Variants in HELB observed in about 807,000 individuals in gnomAD.
HELB encodes DNA 5'-3' helicase B.
Under a neutral mutation model 101.7 loss-of-function variants are expected in HELB, and 96 were observed. The observed-to-expected ratio is 0.94, with a 90% CI of 0.80 to 1.12. The LOEUF is 1.12. Among genes scored for constraint, HELB ranks in the 50% most tolerant of loss-of-function variants. The pLI, the probability that HELB is intolerant of heterozygous loss-of-function variation, is 0.00. For synonymous variants in HELB, 437 were observed against 459.7 expected, an observed-to-expected ratio of 0.95 and a Z score of 0.63; for missense variants, 1,210 against 1,291.9, an observed-to-expected ratio of 0.94 and a Z score of 0.97.
In HELB at chr12:66,328,180, T is replaced by C. The variant is rs893697515; in HGVS notation, c.2671-2974T>C. On this transcript the variant is annotated intron_variant, in intron 11 of 12. Coordinates refer to ENST00000247815, the MANE Select transcript of HELB (RefSeq NM_001370285.1). The stretch of plus-strand genomic sequence containing the variant: ...TCCTAGGGCATTTGAAGGCCTGCAC[T>C]ATCCAGTATGTTAGCCACTAGCCAC... 2.0e-5 allele frequency among the ~76,000 whole-genome samples: 3 copies of C among 152,310 alleles called. No individual in the cohort carries two copies. In the South Asian group the frequency reaches 6.2e-4, roughly 32 times the overall value.
At position 66,310,223 on chromosome 12, in the gene HELB, G is replaced by T. The variant is rs779610752; in HGVS notation, c.1295G>T (p.Gly432Val). 2.5e-6 allele frequency: 4 copies of T among 1,614,092 alleles called. No homozygotes were observed. Among genetic ancestry groups the T allele is most frequent in the Non-Finnish European group, 3.4e-6 (4 of 1,180,036 alleles). ...AATGGTGACCATATTTGGACTAATG[G>T]TGAAAATGAAATTAATGCAGAAATA... ...QDNGDHIWTN[G>V]ENEINAEISE... The change falls in exon 4 of 13, where the codon GGT becomes GTT. Residue 432 changes from glycine (G) to valine (V), a missense_variant. By Grantham distance (109) the Gly-to-Val change is moderately radical. This residue lies in a region of HELB where 470 missense variants were observed against 563.1 expected (regional missense o/e 0.83). Transcript: ENST00000247815.
intron 1 of HELB, among the ~76,000 whole-genome samples, chr12:66,303,113 T>C (rs1415538880): frequency 7.0e-6 from 1 of 143,596 alleles, no homozygotes; most frequent in Non-Finnish European, 1.5e-5. Flanking sequence ...TTTTTAAAAT[T>C]ATTCTCATTT....
At position 66,302,681 on chromosome 12, in the gene HELB, C is replaced by T. The variant is rs1200756482; in HGVS notation, c.78C>T (p.Asp26=). 6.2e-7 allele frequency: 1 copy of T among 1,614,070 alleles called. No individual in the cohort carries two copies. The change falls in exon 1 of 13, where the codon GAC becomes GAT. Residue 26 remains aspartate (D), a synonymous_variant. Coordinates refer to ENST00000247815, the MANE Select transcript of HELB (RefSeq NM_001370285.1). The stretch of plus-strand genomic sequence containing the variant: ...CCAGGGATCTGGTGGAGGAGGACGA[C>T]GACTACCTAAACGACGACGTGGAGG... The part of the protein sequence containing the change: ...LPPRDLVEED[D]DYLNDDVEED...
intron 3 of HELB, among the ~76,000 whole-genome samples, chr12:66,307,212 A>C (rs2053486943): frequency 6.6e-6 from 1 of 152,216 alleles, no homozygotes; most frequent in Non-Finnish European, 1.5e-5. Flanking sequence ...TTTGAGAAAT[A>C]CTGGAATAAG....
chr12:66,314,186 T>C lies in HELB; in HGVS notation c.1858+23T>C, dbSNP rs746219603. The C allele has an allele frequency of 1.9e-6, 3 of 1,598,948 alleles. No individual in the cohort carries two copies. The South Asian group carries it at 3.3e-5, about 18-fold the overall frequency. ...TTGGTAAGTTAAAATATTGTTGGAATTCTGATGTTTATTTCAAAGTATTGT... is the reference window on the plus strand; with the variant it reads ...TTGGTAAGTTAAAATATTGTTGGAACTCTGATGTTTATTTCAAAGTATTGT... On this transcript the variant is annotated intron_variant, in intron 5 of 12. Transcript: ENST00000247815.
chr12:66,304,674 G>A (rs1363868433), intron 1 of HELB, 57 bp from the exon 2 acceptor site: 13 of 1,478,028 alleles, frequency 8.8e-6, no homozygotes, highest in African/African-American at 8.5e-5. Context: ...TTGAGGAAAC[G>A]GTTTCTAAAT....
At chr12:66,321,849 C>T (rs946095902) in intron 7 of HELB, 99 bp from the exon 8 acceptor site, 1 of 601,308 alleles carries the variant, frequency 1.7e-6, no homozygotes, top group African/African-American at 1.9e-5. Flanking sequence ...GAGATATTTT[C>T]CCAGGGCCCT....
At position 66,310,472 on chromosome 12, in the gene HELB, A is replaced by T. The variant is rs746018889; in HGVS notation, c.1544A>T (p.Glu515Val). ...EDFEQDQNAS[E>V]EWITFTEQSQ... ...TTTGAACAAGACCAGAATGCTTCAGAAGAATGGATTACCTTTACTGAGCAA... is the reference window on the plus strand; with the variant it reads ...TTTGAACAAGACCAGAATGCTTCAGTAGAATGGATTACCTTTACTGAGCAA... Residue 515 changes from glutamate (E) to valine (V), a missense_variant, in exon 4 of 13, where the codon GAA becomes GTA. By Grantham distance (121) the Glu-to-Val change is moderately radical. This residue lies in a region of HELB where 740 missense variants were observed against 728.8 expected (regional missense o/e 1.02). Transcript: ENST00000247815. 1 of 1,614,186 alleles carries T rather than the reference A, an allele frequency of 6.2e-7. No individual in the cohort carries two copies. Among genetic ancestry groups the T allele is most frequent in the Non-Finnish European group, 8.5e-7 (1 of 1,180,012 alleles).
At chr12:66,338,821 C>G (rs918636122), downstream of HELB, 2 of 152,136 alleles carry the variant, frequency 1.3e-5, no homozygotes, top group African/African-American at 4.8e-5. Flanking sequence ...ATTGACATGC[C>G]TCCTAGGATG....
intron 3 of HELB, among the ~76,000 whole-genome samples, 165 bp from the exon 4 acceptor site, chr12:66,309,541 C>G (rs1376545265): frequency 6.6e-6 from 1 of 152,040 alleles, no homozygotes; most frequent in African/African-American, 2.4e-5. Context: ...TTATATAGAT[C>G]TCTAATTACG....
At position 66,324,090 on chromosome 12, in the gene HELB, A is replaced by G. The variant is rs779331240; in HGVS notation, c.2405A>G (p.Asn802Ser). 8.7e-6 allele frequency: 14 copies of G among 1,613,868 alleles called. No homozygotes were observed. The highest frequency in any genetic ancestry group is 4.5e-5 in the East Asian group (2 of 44,822). Residue 802 changes from asparagine to serine, a missense_variant, in exon 10 of 13, where the codon AAT (asparagine) becomes AGT (serine). Asn to Ser is a conservative substitution (Grantham distance 46). Transcript: ENST00000247815. ...LPENISGSQQ[N>S]NDLDASSEDF... Reference sequence around the variant, plus strand: ...GAAAATATCTCTGGAAGTCAGCAAAATAATGATCTAGATGCCAGTAGTGAA... The same window carrying G: ...GAAAATATCTCTGGAAGTCAGCAAAGTAATGATCTAGATGCCAGTAGTGAA...
chr12:66,302,863 G>A, intron 1 of HELB, 73 bp downstream of exon 1: 1 of 1,329,640 alleles, frequency 7.5e-7, no homozygotes, highest in Non-Finnish European at 1.0e-6. Flanking sequence ...GCTTTGCCCT[G>A]AGCAAGGCAC....
Position 66,306,516 on chromosome 12 carries a change from T to C in HELB, c.777+2T>C. 1.3e-6 allele frequency: 2 copies of C among 1,568,704 alleles called. No individual in the cohort carries two copies. Among genetic ancestry groups the C allele is most frequent in the South Asian group, 1.2e-5 (1 of 82,236 alleles). ...CCGTGGAAACTTGGATTTAGTAAAG[T>C]AAGTAAAACATTTGCTCAGCATATA... On this transcript the variant is annotated splice_donor_variant, in intron 3 of 12. Coordinates refer to ENST00000247815, the MANE Select transcript of HELB (RefSeq NM_001370285.1). LOFTEE classifies it high-confidence loss of function.
chr12:66,330,142 A>G (rs2053788652), intron 11 of HELB, among the ~76,000 whole-genome samples: 1 of 152,200 alleles, frequency 6.6e-6, no homozygotes, highest in Non-Finnish European at 1.5e-5. Context: ...TAATGGTACA[A>G]ACCACTTCTT....
At position 66,310,428 on chromosome 12, in the gene HELB, A is replaced by G. The variant is rs377387491; in HGVS notation, c.1500A>G (p.Val500=). 1.4e-4 allele frequency: 220 copies of G among 1,613,982 alleles called. No homozygotes were observed. Among genetic ancestry groups the G allele is most frequent in the Non-Finnish European group, 1.8e-4 (209 of 1,179,986 alleles). ...KHIEQLEERE[V]KKACEDFEQD... The stretch of plus-strand genomic sequence containing the variant: ...TAGAGCAGTTGGAAGAAAGAGAAGT[A>G]AAAAAAGCCTGTGAAGATTTTGAAC... Residue 500 remains valine (V), a synonymous_variant, in exon 4 of 13, where the codon GTA becomes GTG. Transcript: ENST00000247815.
At chr12:66,324,275 C>A in intron 10 of HELB, 64 bp downstream of exon 10, 1 of 1,120,070 alleles carries the variant, frequency 8.9e-7, no homozygotes, top group East Asian at 2.4e-5. Context: ...ATTTTATTGT[C>A]CTAGGATTCA....
chr12:66,333,329 C>T (rs2053829804), intron 12 of HELB, among the ~76,000 whole-genome samples: 1 of 152,054 alleles, frequency 6.6e-6, no homozygotes, highest in East Asian at 1.9e-4. Context: ...CAAGGAGCAG[C>T]ATGGGGGCCT....
chr12:66,314,100 A>G lies in HELB; in HGVS notation c.1795A>G (p.Ile599Val), dbSNP rs146582207. Residue 599 changes from isoleucine to valine, a missense_variant, in exon 5 of 13, where the codon ATC (isoleucine) becomes GTC (valine). By Grantham distance (29) the Ile-to-Val change is conservative (BLOSUM62 3). Coordinates refer to ENST00000247815, the MANE Select transcript of HELB (RefSeq NM_001370285.1). ...VDEGSLVSVGIFKSVLNLLCE... is the reference protein window; with the variant it reads ...VDEGSLVSVGVFKSVLNLLCE... ...TGAAGGGAGTTTGGTATCTGTAGGA[A>G]TCTTCAAATCGGTCTTAAATTTATT... is the stretch of plus-strand genomic sequence containing the variant. 2.5e-6 allele frequency: 4 copies of G among 1,613,906 alleles called. No individual in the cohort carries two copies. The African/African-American group carries it at 5.3e-5, about 22-fold the overall frequency.
chr12:66,316,985 C>G (rs1224655275), intron 6 of HELB, among the ~76,000 whole-genome samples: 1 of 145,606 alleles, frequency 6.9e-6, no homozygotes, highest in Non-Finnish European at 1.5e-5. Flanking sequence ...TGCCACTGCA[C>G]TCCAGCCTGG....
Sources: allele counts gnomAD v4.1 joint callset (sites outside exome capture counted in the v4.1 genomes callset), GRCh38; gene constraint gnomAD v4.1.1; regional missense constraint gnomAD v4.1.1; transcripts MANE v1.5; gene names NCBI Gene and HGNC (gene_info 2026-07-23, HGNC 2026-07-21).